SLAMF6: variants seen among roughly 807,000 people sequenced by gnomAD.
The protein encoded by SLAMF6 is NK-T-B-antigen.
In SLAMF6, 21 loss-of-function variants were observed where a neutral mutation model predicts 38.3. The observed-to-expected ratio is 0.55, with a 90% confidence interval of 0.39 to 0.79. The LOEUF (loss-of-function observed/expected upper bound fraction) is 0.79. Ranked by LOEUF, SLAMF6 falls within the 30% of genes least tolerant of loss-of-function variation. SLAMF6 has a pLI of 0.00. For missense variants in SLAMF6, 341 were observed against 385.3 expected (o/e 0.89, Z 0.96); for synonymous variants, 152 against 146.3 (o/e 1.04, Z -0.28).
In SLAMF6 at chr1:160,496,204, G is replaced by C. The variant is rs771240749; in HGVS notation, c.239C>G (p.Pro80Arg). ...GAAGTTCAGTCGCTTTCCCTGTTTCGGATTAGTCACGTGGATTTCTGGACT... is the reference window on the plus strand; with the variant it reads ...GAAGTTCAGTCGCTTTCCCTGTTTCCGATTAGTCACGTGGATTTCTGGACT... ...TKSPEIHVTN[P>R]KQGKRLNFTQ... Residue 80 changes from proline to arginine, a missense_variant, in exon 2 of 8, where the codon CCG (proline) becomes CGG (arginine). Pro to Arg is a moderately radical substitution (Grantham distance 103, BLOSUM62 -2). Transcript: ENST00000368057. 6.2e-7 allele frequency: 1 copy of C among 1,613,706 alleles called. No individual in the cohort carries two copies. The highest frequency in any genetic ancestry group is 8.5e-7 in the Non-Finnish European group (1 of 1,179,904).
intron 1 of SLAMF6, among the ~76,000 whole-genome samples, chr1:160,505,713 TAA>T (rs1268267600): frequency 6.6e-6 from 1 of 152,064 alleles, no homozygotes; most frequent in Non-Finnish European, 1.5e-5. Flanking sequence ...TCAACTATCT[TAA>T]ATATGCTCAA....
At chr1:160,487,074 T>C (rs1653003406) in intron 7 of SLAMF6, 30 bp downstream of exon 7, 7 of 1,547,942 alleles carry the variant, frequency 4.5e-6, no homozygotes, top group Non-Finnish European at 2.7e-6. Context: ...GAGGTAAGAA[T>C]ATAAAAACAT....
chr1:160,523,172 C>G lies in SLAMF6; in HGVS notation c.21G>C (p.Ser7=). Residue 7 remains serine (S), a synonymous_variant, in exon 1 of 8, where the codon TCG becomes TCC. Transcript: ENST00000368057. ...GGCCAAAGCAGAAGACAAACAGGAG[C>G]GATTGGAACAGCCACAACATGCTTT... MLWLFQ[S]LLFVFCFGPG... is the part of the protein sequence containing the mutation. 6.2e-7 allele frequency: 1 copy of G among 1,613,708 alleles called. No homozygotes were observed.
At chr1:160,514,384 T>C (rs933743327) in intron 1 of SLAMF6, among the ~76,000 whole-genome samples, 2 of 152,226 alleles carry the variant, frequency 1.3e-5, no homozygotes, top group Admixed American at 6.5e-5. Context: ...CAAGGAGATG[T>C]AGACTCCCAC....
chr1:160,505,689 C>T (rs1418320672), intron 1 of SLAMF6, among the ~76,000 whole-genome samples: 2 of 152,146 alleles, frequency 1.3e-5, no homozygotes, highest in East Asian at 1.9e-4. Context: ...AGGCATGAGC[C>T]ACCCTGCCTG....
At chr1:160,491,517 A>C in intron 2 of SLAMF6, 129 bp from the exon 3 acceptor site, 4 of 1,339,240 alleles carry the variant, frequency 3.0e-6, no homozygotes, top group Non-Finnish European at 4.0e-6. Context: ...TAGACTCTGT[A>C]AATGACTCTG....
intron 1 of SLAMF6, among the ~76,000 whole-genome samples, chr1:160,511,924 C>T (rs1328797110): frequency 3.3e-5 from 5 of 152,168 alleles, no homozygotes; most frequent in Non-Finnish European, 5.9e-5. Flanking sequence ...GCTCCCACCC[C>T]CAGCCAAGGG....
At chr1:160,491,079 A>T in intron 3 of SLAMF6, 46 bp downstream of exon 3, 1 of 1,606,544 alleles carries the variant, frequency 6.2e-7, no homozygotes, top group East Asian at 2.2e-5. Context: ...GGACGCGTTA[A>T]ACCCCATAGC....
chr1:160,496,409 G>C lies in SLAMF6; in HGVS notation c.50-16C>G, dbSNP rs747136050. 3.7e-6 allele frequency: 6 copies of C among 1,607,732 alleles called. No individual in the cohort carries two copies. The African/African-American group carries it at 8.0e-5, about 22-fold the overall frequency. On this transcript the variant is annotated splice_polypyrimidine_tract_variant and intron_variant, in intron 1 of 7. Coordinates refer to ENST00000368057, the MANE Select transcript of SLAMF6 (RefSeq NM_001184714.2). ...ACTACATTCCCTGTAAACACAGAAG[G>C]AAAGGTTTTAAAAATGTTCCTGACC...
chr1:160,486,874 C>A (rs1652991070), intron 7 of SLAMF6, 120 bp from the exon 8 acceptor site: 1 of 1,154,342 alleles, frequency 8.7e-7, no homozygotes, highest in Non-Finnish European at 1.3e-6. Flanking sequence ...ATATTGATAG[C>A]ATAGGGCAGG....
At chr1:160,511,527 G>A (rs1027668022) in intron 1 of SLAMF6, among the ~76,000 whole-genome samples, 1 of 152,152 alleles carries the variant, frequency 6.6e-6, no homozygotes, top group African/African-American at 2.4e-5. Context: ...ACATTCAACA[G>A]AATGAAGTTG....
intron 4 of SLAMF6, 124 bp from the exon 5 acceptor site, chr1:160,490,360 A>G (rs1653219639): frequency 6.8e-7 from 1 of 1,462,388 alleles, no homozygotes; most frequent in African/African-American, 1.4e-5. Context: ...CAGCCCTGAG[A>G]CAGGGTCCCA....
rs141391738 is a variant in SLAMF6 at position 160,520,583 on chromosome 1, C to T, written c.49+2561G>A. Among the ~76,000 whole-genome samples the T allele has an allele frequency of 1.1e-3, 161 of 152,206 alleles. 1 individual carries two copies. The highest frequency in any genetic ancestry group is 3.7e-3 in the African/African-American group (155 of 41,534). ...ATAAAAATCAAAATGAAGAAACAAA[C>T]GAGATTTATTTTCTCTAGGAAGTCA... On this transcript the variant is annotated intron_variant, in intron 1 of 7. Coordinates refer to ENST00000368057, the MANE Select transcript of SLAMF6 (RefSeq NM_001184714.2).
At position 160,486,937 on chromosome 1, in the gene SLAMF6, T is replaced by C. The variant is rs1652994325; in HGVS notation, c.951+167A>G. Among the ~76,000 whole-genome samples the C allele has an allele frequency of 2.0e-5, 3 of 152,238 alleles. 1 individual carries two copies. The South Asian group carries it at 6.2e-4, about 32-fold the overall frequency. On this transcript the variant is annotated intron_variant, in intron 7 of 7. Transcript: ENST00000368057. The stretch of plus-strand genomic sequence containing the variant: ...ACTCAGTTATGCATGGTGATCCTAA[T>C]ACAAAATAACTTCTTGATTATGTTT...
chr1:160,507,808 C>T (rs1654267704), intron 1 of SLAMF6, among the ~76,000 whole-genome samples: 1 of 151,896 alleles, frequency 6.6e-6, no homozygotes, highest in Non-Finnish European at 1.5e-5. Flanking sequence ...GAAGAAATAA[C>T]AAGATGAATT....
intron 1 of SLAMF6, among the ~76,000 whole-genome samples, chr1:160,512,022 G>A (rs1378413271): frequency 1.3e-5 from 2 of 152,194 alleles, no homozygotes; most frequent in Admixed American, 1.3e-4. Flanking sequence ...ATCCCCTCGT[G>A]AGCCAACACC....
At chr1:160,499,165 T>A (rs1052361440) in intron 1 of SLAMF6, among the ~76,000 whole-genome samples, 1 of 152,138 alleles carries the variant, frequency 6.6e-6, no homozygotes, top group African/African-American at 2.4e-5. Flanking sequence ...GTATTTCCTA[T>A]TTTTTTCTAG....
rs560287433 is a variant in SLAMF6, at chr1:160,486,415, T to G, written c.*292A>C. ...AACTCTCTGTCAACCATAATTCCAT[T>G]TGCTTAGTTATCAAAGAGAGAGTCA... On this transcript the variant is annotated 3_prime_UTR_variant, in exon 8 of 8. Transcript: ENST00000368057. The G allele has an allele frequency of 1.3e-4, 44 of 345,382 alleles. No individual in the cohort carries two copies. The highest frequency in any genetic ancestry group is 9.0e-4 in the Middle Eastern group (1 of 1,112). 21.4% of individuals were successfully genotyped at this position (345,382 alleles called of 1,614,324 possible). A position where few individuals can be genotyped will look rare whatever the true frequency, so the allele number is the denominator to read the frequency against.
intron 1 of SLAMF6, among the ~76,000 whole-genome samples, chr1:160,503,893 G>A (rs558653773): frequency 5.3e-5 from 8 of 151,828 alleles, no homozygotes; most frequent in Non-Finnish European, 1.2e-4. Flanking sequence ...TATCAGCCAG[G>A]CAGAGTGGAA....
Sources: gnomAD v4.1 joint callset for allele counts (sites outside exome capture counted in the v4.1 genomes callset) on GRCh38, gnomAD v4.1.1 for gene constraint, MANE v1.5 for transcripts, NCBI Gene and HGNC (gene_info 2026-07-23, HGNC 2026-07-21) for gene names.